The following ZNF354C variants were observed in gnomAD, a reference collection of about 807,000 sequenced individuals.
The protein encoded by ZNF354C is KRAB-zinc finger protein synten.
ZNF354C carries 7 observed loss-of-function variants against 12.4 expected under a neutral mutation model. That is an observed-to-expected ratio of 0.56 (90% CI 0.32 to 1.06). The LOEUF is 1.06. Among genes scored for constraint, ZNF354C ranks in the 50% least tolerant of loss-of-function variants. The pLI, the probability that ZNF354C is intolerant of heterozygous loss-of-function variation, is 0.04. For synonymous variants in ZNF354C, 202 were observed against 224.5 expected, an observed-to-expected ratio of 0.90 and a Z score of 0.90; for missense variants, 609 against 658.0, an observed-to-expected ratio of 0.93 and a Z score of 0.81.
intron 2 of ZNF354C, among the ~76,000 whole-genome samples, chr5:179,063,742 A>G (rs1322218037): frequency 6.6e-6 from 1 of 152,252 alleles, no homozygotes; most frequent in Non-Finnish European, 1.5e-5. Context: ...TAACTTGATC[A>G]AGGTCACACA....
At chr5:179,072,241 G>T (rs1025817486) in intron 2 of ZNF354C, among the ~76,000 whole-genome samples, 1 of 151,822 alleles carries the variant, frequency 6.6e-6, no homozygotes, top group Non-Finnish European at 1.5e-5. Context: ...TGTGAAAAAA[G>T]TAATTCTAGA....
At chr5:179,071,918 C>T (rs77636393) in intron 2 of ZNF354C, among the ~76,000 whole-genome samples, 2,398 of 152,172 alleles carry the variant, frequency 0.016, 55 homozygotes, top group African/African-American at 0.053. Flanking sequence ...TGGCAGAGTT[C>T]GGAATTTGAC....
At chr5:179,068,371 G>T (rs139237671) in intron 2 of ZNF354C, among the ~76,000 whole-genome samples, 2 of 152,154 alleles carry the variant, frequency 1.3e-5, no homozygotes, top group Non-Finnish European at 2.9e-5. Flanking sequence ...TTTAGCACGC[G>T]TCTGTTTTCA....
At position 179,067,495 on chromosome 5, in the gene ZNF354C, T is replaced by C. The variant is rs886243014; in HGVS notation, c.27+5400T>C. Among the ~76,000 whole-genome samples the C allele has an allele frequency of 5.9e-5, 9 of 152,326 alleles. No homozygotes were observed. The South Asian group carries it at 1.9e-3, about 32-fold the overall frequency. On this transcript the variant is annotated intron_variant, in intron 2 of 4. Transcript: ENST00000315475. The stretch of plus-strand genomic sequence containing the variant: ...TGGGAGAAATGTCAGTGTCACATTA[T>C]ACAAAGAGCACGTAAGATGAGAGAG...
chr5:179,061,910 G>T (rs1444868935), intron 1 of ZNF354C, 105 bp from the exon 2 acceptor site: 2 of 766,822 alleles, frequency 2.6e-6, no homozygotes, highest in Non-Finnish European at 4.6e-6. Context: ...CATTACGGGG[G>T]GTGGCTTTTT....
At position 179,081,304 on chromosome 5, in the gene ZNF354C, G is replaced by A. The variant is rs1321708386; in HGVS notation, c.*1207G>A. On this transcript the variant is annotated 3_prime_UTR_variant, in exon 5 of 5. Coordinates refer to ENST00000315475, the MANE Select transcript of ZNF354C (RefSeq NM_014594.3). ...CCAGATAGTGTAATTGCTTTTGGAGGCTTCACATATAAGGTTGCCTTCTTA... is the reference window on the plus strand; with the variant it reads ...CCAGATAGTGTAATTGCTTTTGGAGACTTCACATATAAGGTTGCCTTCTTA... 1 of 152,042 alleles carries A rather than the reference G, an allele frequency of 6.6e-6. No individual in the cohort carries two copies. The highest frequency in any genetic ancestry group is 1.5e-5 in the Non-Finnish European group (1 of 68,006). 9.4% of individuals were successfully genotyped at this position (152,042 alleles called of 1,614,324 possible). A position where few individuals can be genotyped will look rare whatever the true frequency, so the allele number is the denominator to read the frequency against.
intron 2 of ZNF354C, among the ~76,000 whole-genome samples, chr5:179,070,644 A>G (rs1762034937): frequency 6.6e-6 from 1 of 152,126 alleles, no homozygotes; most frequent in Admixed American, 6.5e-5. Flanking sequence ...CTGGAAACCT[A>G]AAACAAACTT....
Position 179,077,126 on chromosome 5 carries a change from C to G in ZNF354C, c.210C>G (p.Pro70=). The G allele has an allele frequency of 1.2e-6, 2 of 1,614,152 alleles. No individual in the cohort carries two copies. The highest frequency in any genetic ancestry group is 1.7e-6 in the Non-Finnish European group (2 of 1,180,032). ...ATCAGTTGCAGCAAGGAGAAGATCC[C>G]TGCATGGTGGAAAGAGAAGTCCCTT... ...LIHQLQQGED[P]CMVEREVPSD... The change falls in exon 4 of 5, where the codon CCC becomes CCG. Residue 70 remains proline (P), a synonymous_variant. Coordinates refer to ENST00000315475, the MANE Select transcript of ZNF354C (RefSeq NM_014594.3).
rs1026047201 is a variant in ZNF354C, at chr5:179,067,194, G to A, written c.27+5099G>A. 2.3e-4 allele frequency among the ~76,000 whole-genome samples: 35 copies of A among 152,288 alleles called. 1 individual carries two copies. Among genetic ancestry groups the A allele is most frequent in the African/African-American group, 5.8e-4 (24 of 41,566 alleles). Reference sequence around the variant, plus strand: ...TTTAAAGACTAAAGGCTATAGAATCGTTTGAAGCCTCAGTCGTTCACATGT... The same window carrying A: ...TTTAAAGACTAAAGGCTATAGAATCATTTGAAGCCTCAGTCGTTCACATGT... On this transcript the variant is annotated intron_variant, in intron 2 of 4. Transcript: ENST00000315475.
chr5:179,079,889 A>G lies in ZNF354C; in HGVS notation c.1457A>G (p.His486Arg), dbSNP rs1255375348. ...AFSQYSFLTEHERIHTGEKLY... is the reference protein window; with the variant it reads ...AFSQYSFLTERERIHTGEKLY... Reference sequence around the variant, plus strand: ...AGCCAGTATTCATTTTTAACCGAACATGAGAGGATCCACACTGGAGAGAAA... The same window carrying G: ...AGCCAGTATTCATTTTTAACCGAACGTGAGAGGATCCACACTGGAGAGAAA... The change falls in exon 5 of 5, where the codon CAT (histidine) becomes CGT (arginine). Residue 486 changes from histidine to arginine, a missense_variant. His to Arg is a conservative substitution (Grantham distance 29, BLOSUM62 0). Coordinates refer to ENST00000315475, the MANE Select transcript of ZNF354C (RefSeq NM_014594.3). The surrounding 1 kb of genome is among the most constrained non-coding windows in gnomAD (Gnocchi z 4.2). The G allele has an allele frequency of 1.9e-6, 3 of 1,613,904 alleles. No homozygotes were observed. Among genetic ancestry groups the G allele is most frequent in the South Asian group, 1.1e-5 (1 of 91,040 alleles).
intron 2 of ZNF354C, among the ~76,000 whole-genome samples, chr5:179,068,644 G>A (rs1355968301): frequency 4.0e-5 from 6 of 148,568 alleles, no homozygotes; most frequent in Admixed American, 1.3e-4. Context: ...TTTTTTCCTG[G>A]AAGTATTCTA....
intron 3 of ZNF354C, among the ~76,000 whole-genome samples, 187 bp from the exon 4 acceptor site, chr5:179,076,884 A>G (rs777535520): frequency 4.6e-5 from 7 of 152,084 alleles, no homozygotes; most frequent in Non-Finnish European, 8.8e-5. Context: ...GGGCCCTATA[A>G]TGGTTCTGAA....
rs1008530357 is a variant in ZNF354C at position 179,082,587 on chromosome 5, G to A, written c.*2490G>A. On this transcript the variant is annotated 3_prime_UTR_variant, in exon 5 of 5. Transcript: ENST00000315475. Reference sequence around the variant, plus strand: ...AACTAAGTATTCCAGATTTCGGGAGGGATGAAGAGGGAGATATTCAGAAAC... The same window carrying A: ...AACTAAGTATTCCAGATTTCGGGAGAGATGAAGAGGGAGATATTCAGAAAC... 4.2e-5 allele frequency: 41 copies of A among 967,068 alleles called. No individual in the cohort carries two copies. In the East Asian group the frequency reaches 9.6e-4, roughly 23 times the overall value. 59.9% of individuals were successfully genotyped at this position (967,068 alleles called of 1,614,324 possible).
intron 3 of ZNF354C, 62 bp downstream of exon 3, chr5:179,076,633 G>C (rs1206188021): frequency 1.9e-6 from 3 of 1,591,398 alleles, no homozygotes; most frequent in Non-Finnish European, 2.6e-6. Context: ...TCCATCTTTG[G>C]GGTTCCGAGC....
At position 179,079,289 on chromosome 5, in the gene ZNF354C, C is replaced by T; in HGVS notation, c.857C>T (p.Thr286Ile). 6.2e-7 allele frequency: 1 copy of T among 1,614,074 alleles called. No homozygotes were observed. Among genetic ancestry groups the T allele is most frequent in the Non-Finnish European group, 8.5e-7 (1 of 1,180,022 alleles). ...GAGAAGGCATTTAGCAACAGTTCAA[C>T]CCTTATCAAACATCTGAGAGTGCAT... ...ECEKAFSNSS[T>I]LIKHLRVHTG... The change falls in exon 5 of 5, where the codon ACC becomes ATC. Residue 286 changes from threonine to isoleucine, a missense_variant. Transcript: ENST00000315475. This position sits in a 1 kb window ranked among gnomAD's most constrained non-coding sequence, Gnocchi z 4.2.
intron 2 of ZNF354C, among the ~76,000 whole-genome samples, chr5:179,074,565 T>C (rs1353468945): frequency 6.6e-6 from 1 of 152,192 alleles, no homozygotes; most frequent in Non-Finnish European, 1.5e-5. Flanking sequence ...AGTTCCTCCT[T>C]TGAGCTCTCC....
chr5:179,074,801 G>A (rs1418348623), intron 2 of ZNF354C, among the ~76,000 whole-genome samples: 4 of 152,196 alleles, frequency 2.6e-5, no homozygotes, highest in African/African-American at 9.7e-5. Context: ...TAAAACTATA[G>A]CATAAAGAAG....
At chr5:179,071,425 T>C (rs1325630059) in intron 2 of ZNF354C, among the ~76,000 whole-genome samples, 1 of 151,686 alleles carries the variant, frequency 6.6e-6, no homozygotes, top group Non-Finnish European at 1.5e-5. Flanking sequence ...TACATGTGCT[T>C]CCAGCTTCTG....
chr5:179,066,505 G>T (rs983092125), intron 2 of ZNF354C, among the ~76,000 whole-genome samples: 1 of 152,326 alleles, frequency 6.6e-6, no homozygotes, highest in African/African-American at 2.4e-5. Context: ...TCCCCATGAA[G>T]AACTTCTTTT....
Sources: allele counts gnomAD v4.1 joint callset (sites outside exome capture counted in the v4.1 genomes callset), GRCh38; gene constraint gnomAD v4.1.1; non-coding constraint Gnocchi (gnomAD v3.1); transcripts MANE v1.5; gene names NCBI Gene and HGNC (gene_info 2026-07-23, HGNC 2026-07-21).